The following PLAGL1 variants were observed in gnomAD, a reference collection of about 807,000 sequenced individuals.
The protein encoded by PLAGL1 is PLAG1 like zinc finger 1.
In PLAGL1, 1 loss-of-function variant was observed where a neutral mutation model predicts 4.6. The ratio of observed to expected loss-of-function variants is 0.22; its 90% CI spans 0.08 to 1.03. PLAGL1 has a LOEUF of 1.03. Among genes scored for constraint, PLAGL1 ranks in the 50% least tolerant of loss-of-function variants. The pLI is 0.58. For missense variants in PLAGL1, 464 were observed against 570.4 expected (o/e 0.81, Z 1.90); for synonymous variants, 240 against 237.8 (o/e 1.01, Z -0.08).
chr6:143,986,986 A>G (rs1789319421), intron 1 of PLAGL1, among the ~76,000 whole-genome samples: 1 of 152,220 alleles, frequency 6.6e-6, no homozygotes, highest in South Asian at 2.1e-4. Flanking sequence ...TCTGAAGTTC[A>G]TCTTCCACAG....
chr6:144,043,599 G>A (rs1022656530), intron 1 of PLAGL1, among the ~76,000 whole-genome samples: 71 of 152,074 alleles, frequency 4.7e-4, no homozygotes, highest in Admixed American at 8.5e-4. Context: ...GAGGATTTTC[G>A]CATCGATGTT....
At chr6:143,987,422 G>A (rs1355648122) in intron 1 of PLAGL1, among the ~76,000 whole-genome samples, 1 of 128,952 alleles carries the variant, frequency 7.8e-6, no homozygotes, top group Non-Finnish European at 1.6e-5. Context: ...GATCTGGCAT[G>A]TGCCACCACA....
In PLAGL1 at chr6:144,034,531, A is replaced by G. The variant is rs987348008; in HGVS notation, c.-151+29937T>C. On this transcript the variant is annotated intron_variant, in intron 1 of 3. Coordinates refer to the PLAGL1 transcript ENST00000437412. This position sits in a 1 kb window ranked among gnomAD's most constrained non-coding sequence, Gnocchi z 4.7. Reference sequence around the variant, plus strand: ...ATCCTCCTCTCATTCAGGGGGTTCAATAAATCATCTGCCAGAAAGGAAGTG... The same window carrying G: ...ATCCTCCTCTCATTCAGGGGGTTCAGTAAATCATCTGCCAGAAAGGAAGTG... 6.6e-6 allele frequency among the ~76,000 whole-genome samples: 1 copy of G among 152,238 alleles called. No individual in the cohort carries two copies. The highest frequency in any genetic ancestry group is 3.2e-3 in the Middle Eastern group (1 of 316).
At chr6:144,019,461 G>A (rs1795814471) in intron 1 of PLAGL1, among the ~76,000 whole-genome samples, 1 of 152,082 alleles carries the variant, frequency 6.6e-6, no homozygotes, top group African/African-American at 2.4e-5. Context: ...GAGAGAGGGA[G>A]ACTCTCTTGA....
chr6:143,942,556 T>C lies in PLAGL1; in HGVS notation c.260A>G (p.Asn87Ser), dbSNP rs768018756. ...LKNHLQTHDP[N>S]KMAFGCEECG... ...CTCCTCACACCCAAAGGCCATTTTGTTGGGGTCGTGGGTCTGGAGGTGGTT... is the reference window on the plus strand; with the variant it reads ...CTCCTCACACCCAAAGGCCATTTTGCTGGGGTCGTGGGTCTGGAGGTGGTT... The change falls in exon 8 of 8, where the codon AAC becomes AGC. Residue 87 changes from asparagine to serine, a missense_variant. Physicochemically the swap from Asn to Ser is conservative, Grantham distance 46. Around this residue, in one of 4 missense-constraint regions of PLAGL1, gnomAD observed 161 missense variants for 196.7 expected, o/e 0.82. Coordinates refer to ENST00000674357, the MANE Select transcript of PLAGL1 (RefSeq NM_001317162.2). The surrounding 1 kb of genome is among the most constrained non-coding windows in gnomAD (Gnocchi z 7.6). The C allele has an allele frequency of 3.1e-6, 5 of 1,614,010 alleles. No homozygotes were observed. The highest frequency in any genetic ancestry group is 4.2e-6 in the Non-Finnish European group (5 of 1,180,040).
In PLAGL1 at chr6:143,948,550, A is replaced by G. The variant is rs1457816591; in HGVS notation, c.-324-90T>C. On this transcript the variant is annotated intron_variant, in intron 6 of 7. Coordinates refer to ENST00000674357, the MANE Select transcript of PLAGL1 (RefSeq NM_001317162.2). The surrounding 1 kb of genome is among the most constrained non-coding windows in gnomAD (Gnocchi z 6.0). ...ACCGCTTCAGAATCAACTACCCACA[A>G]TCAACACGTTCCTTTAAATGGTGCT... is the stretch of plus-strand genomic sequence containing the variant. 1.1e-5 allele frequency: 2 copies of G among 175,110 alleles called. No individual in the cohort carries two copies. The highest frequency in any genetic ancestry group is 4.7e-5 in the African/African-American group (2 of 42,466). The allele number at this position is 175,110 out of a possible 1,614,324, so 10.8% of individuals were successfully genotyped here.
chr6:143,998,875 T>C lies in PLAGL1; in HGVS notation c.-584+9215A>G, dbSNP rs369480490. Among the ~76,000 whole-genome samples the C allele has an allele frequency of 7.9e-5, 12 of 152,324 alleles. No homozygotes were observed. In the South Asian group the frequency reaches 2.3e-3, roughly 29 times the overall value. On this transcript the variant is annotated intron_variant, in intron 1 of 7. Coordinates refer to ENST00000674357, the MANE Select transcript of PLAGL1 (RefSeq NM_001317162.2). ...GGGCTGATGCGTGGTTAGGACCACC[T>C]GTGCCACTGGATTAGTTTTGAGAAA...
chr6:144,024,351 A>G (rs6929225), intron 1 of PLAGL1, among the ~76,000 whole-genome samples: 1 of 152,072 alleles, frequency 6.6e-6, no homozygotes, highest in South Asian at 2.1e-4. Context: ...TGTCCCCACC[A>G]AAATCTCACC....
At chr6:143,976,015 T>C (rs9386053) in intron 2 of PLAGL1, among the ~76,000 whole-genome samples, 57,054 of 152,014 alleles carry the variant, frequency 0.38, 11,240 homozygotes, top group Non-Finnish European at 0.46. Context: ...AACAGATTAA[T>C]TATGTAGCAC....
chr6:144,052,244 A>T (rs575596841), intron 1 of PLAGL1, among the ~76,000 whole-genome samples: 2 of 152,342 alleles, frequency 1.3e-5, no homozygotes, highest in East Asian at 3.9e-4. Flanking sequence ...GCACATGGCA[A>T]GGAAAAGACT....
intron 1 of PLAGL1, among the ~76,000 whole-genome samples, chr6:144,018,834 A>C (rs375083741): frequency 1.3e-3 from 192 of 152,308 alleles, no homozygotes; most frequent in African/African-American, 4.2e-3. Context: ...GCACAAATTA[A>C]ATCTTAATGA....
chr6:143,974,452 G>C (rs1278499403), intron 2 of PLAGL1, among the ~76,000 whole-genome samples: 1 of 151,780 alleles, frequency 6.6e-6, no homozygotes, highest in African/African-American at 2.4e-5. Flanking sequence ...ACTCACCTTG[G>C]ACTGTCAAAG....
rs533734514 is a variant in PLAGL1, at chr6:144,036,394, C to T, written c.-151+28074G>A. Among the ~76,000 whole-genome samples the T allele has an allele frequency of 5.4e-4, 82 of 152,244 alleles. No individual in the cohort carries two copies. The highest frequency in any genetic ancestry group is 1.9e-3 in the African/African-American group (79 of 41,526). On this transcript the variant is annotated intron_variant, in intron 1 of 3. Coordinates refer to the PLAGL1 transcript ENST00000437412. The surrounding 1 kb of genome is among the most constrained non-coding windows in gnomAD (Gnocchi z 5.1). ...GTCTTAGTGACTGAAGACAGCCAGCCCACATGCCCAGTACCAAAGGGGCAC... is the reference window on the plus strand; with the variant it reads ...GTCTTAGTGACTGAAGACAGCCAGCTCACATGCCCAGTACCAAAGGGGCAC...
chr6:143,945,303 A>G lies in PLAGL1; in HGVS notation c.153-2640T>C, dbSNP rs1223630533. Reference sequence around the variant, plus strand: ...CTTTGGGTATCATCTGGATCATGTCAGTGATTTTAGAATTATTTAGAGGTT... The same window carrying G: ...CTTTGGGTATCATCTGGATCATGTCGGTGATTTTAGAATTATTTAGAGGTT... On this transcript the variant is annotated intron_variant, in intron 7 of 7. Coordinates refer to ENST00000674357, the MANE Select transcript of PLAGL1 (RefSeq NM_001317162.2). This position sits in a 1 kb window ranked among gnomAD's most constrained non-coding sequence, Gnocchi z 4.2. Among the ~76,000 whole-genome samples the G allele has an allele frequency of 6.6e-6, 1 of 152,146 alleles. No individual in the cohort carries two copies. Among genetic ancestry groups the G allele is most frequent in the East Asian group, 1.9e-4 (1 of 5,200 alleles).
chr6:144,040,255 A>G (rs1205045503), intron 1 of PLAGL1, among the ~76,000 whole-genome samples: 1 of 152,136 alleles, frequency 6.6e-6, no homozygotes, highest in African/African-American at 2.4e-5. Context: ...TAGGCCAGGC[A>G]CGGTGGCTCA....
At chr6:144,047,079 C>T (rs1215838450) in intron 1 of PLAGL1, among the ~76,000 whole-genome samples, 1 of 152,192 alleles carries the variant, frequency 6.6e-6, no homozygotes, top group Non-Finnish European at 1.5e-5. Context: ...TGGCAATGTC[C>T]CGATTTTCCA....
At position 143,940,322 on chromosome 6, in the gene PLAGL1, T is replaced by C. The variant is rs961688946; in HGVS notation, c.*1102A>G. 1 of 152,198 alleles carries C rather than the reference T, an allele frequency of 6.6e-6. No homozygotes were observed. Among genetic ancestry groups the C allele is most frequent in the Non-Finnish European group, 1.5e-5 (1 of 68,040 alleles). 9.4% of individuals were successfully genotyped at this position (152,198 alleles called of 1,614,324 possible). On this transcript the variant is annotated 3_prime_UTR_variant, in exon 8 of 8. Coordinates refer to ENST00000674357, the MANE Select transcript of PLAGL1 (RefSeq NM_001317162.2). ...AAATTGCAAGATTTGAAAAGTTTAT[T>C]ATATGTAAGATATATGTTTACGGAA...
In PLAGL1 at chr6:144,059,820, CT is replaced by C. The variant is rs1423830981; in HGVS notation, c.-151+4647del. Among the ~76,000 whole-genome samples, 1 of 152,118 alleles carries C rather than the reference CT, an allele frequency of 6.6e-6. No individual in the cohort carries two copies. The highest frequency in any genetic ancestry group is 2.4e-5 in the African/African-American group (1 of 41,404). Reference sequence around the variant, plus strand: ...TTTAGTCTTTTGGGGTACCTAGGGCCTTTTTGAGAGATCAGCCTTGAGGTCC... The same window carrying C: ...TTTAGTCTTTTGGGGTACCTAGGGCCTTTTGAGAGATCAGCCTTGAGGTCC... On this transcript the variant is annotated intron_variant, in intron 1 of 3. Transcript: ENST00000437412. The surrounding 1 kb of genome is among the most constrained non-coding windows in gnomAD (Gnocchi z 4.9).
Position 143,961,276 on chromosome 6 carries a change from T to C in PLAGL1, c.-398-734A>G, listed in dbSNP as rs962439546. On this transcript the variant is annotated intron_variant, in intron 5 of 7. Coordinates refer to ENST00000674357, the MANE Select transcript of PLAGL1 (RefSeq NM_001317162.2). The surrounding 1 kb of genome is among the most constrained non-coding windows in gnomAD (Gnocchi z 6.5). ...CCGTTCACCAAGTAATTATCAAACT[T>C]GGCTTCTTCCTACCAAGGCTATTCC... 1.3e-5 allele frequency: 2 copies of C among 152,238 alleles called. No homozygotes were observed. Among genetic ancestry groups the C allele is most frequent in the Non-Finnish European group, 2.9e-5 (2 of 68,046 alleles). 9.4% of individuals were successfully genotyped at this position (152,238 alleles called of 1,614,324 possible).
Sources: allele counts gnomAD v4.1 joint callset (sites outside exome capture counted in the v4.1 genomes callset), GRCh38; gene constraint gnomAD v4.1.1; regional missense constraint gnomAD v4.1.1; non-coding constraint Gnocchi (gnomAD v3.1); transcripts MANE v1.5; gene names NCBI Gene and HGNC (gene_info 2026-07-23, HGNC 2026-07-21).